Variants in DIAPH2 observed in about 807,000 individuals in gnomAD.
DIAPH2 encodes the protein diaphanous related formin 2, also known as protein diaphanous homolog 2.
In DIAPH2, 35 loss-of-function variants were observed where a neutral mutation model predicts 92.7. That is an observed-to-expected ratio of 0.38 (90% CI 0.29 to 0.50). The LOEUF (loss-of-function observed/expected upper bound fraction) is 0.50, where lower values mean the gene tolerates loss of function less well. Among genes scored for constraint, DIAPH2 ranks in the 20% least tolerant of loss-of-function variants. The pLI is 0.94. For synonymous variants in DIAPH2, 301 were observed against 280.4 expected (o/e 1.07, Z -0.73); for missense variants, 701 against 819.5 (o/e 0.86, Z 1.77).
intron 26 of DIAPH2, among the ~76,000 whole-genome samples, chrX:97,493,255 C>T (rs5921836): frequency 2.2e-5 from 2 of 90,657 alleles, no homozygotes; most frequent in African/African-American, 7.2e-5. Flanking sequence ...TTTATTTATT[C>T]ATTTATTTAT....
At chrX:97,044,219 T>C (rs2066465492) in intron 17 of DIAPH2, among the ~76,000 whole-genome samples, 1 of 111,551 alleles carries the variant, frequency 9.0e-6, no homozygotes, top group Non-Finnish European at 1.9e-5. Flanking sequence ...ACCAAACTGG[T>C]ATATATGTGA....
intron 4 of DIAPH2, among the ~76,000 whole-genome samples, chrX:96,802,381 G>A (rs1316808164): frequency 8.9e-6 from 1 of 112,102 alleles, no homozygotes; most frequent in Non-Finnish European, 1.9e-5. Context: ...TGTAAAAATA[G>A]GCTTCAGGCT....
chrX:97,439,899 T>C (rs1347830354), intron 26 of DIAPH2, among the ~76,000 whole-genome samples: 4 of 111,275 alleles, frequency 3.6e-5, no homozygotes, highest in Non-Finnish European at 7.5e-5. Flanking sequence ...GGTGGTCGAA[T>C]AGGGGCAAAT....
intron 4 of DIAPH2, among the ~76,000 whole-genome samples, chrX:96,814,072 AC>A (rs1341716140): frequency 9.0e-6 from 1 of 110,986 alleles, no homozygotes; most frequent in African/African-American, 3.3e-5. Context: ...TGTTGGCCTG[AC>A]TTGCTAGTTT....
intron 23 of DIAPH2, among the ~76,000 whole-genome samples, chrX:97,290,074 A>AATAT (rs374540988): frequency 0.092 from 8,752 of 94,916 alleles, 358 homozygotes; most frequent in African/African-American, 0.11. Flanking sequence ...CAGTAATTTA[A>AATAT]ATATATATAT....
At chrX:97,598,870 G>T (rs1225440044) in intron 26 of DIAPH2, among the ~76,000 whole-genome samples, 1 of 112,153 alleles carries the variant, frequency 8.9e-6, no homozygotes, top group East Asian at 2.8e-4. Flanking sequence ...CCAACATACA[G>T]ATTGAAAACT....
At chrX:97,315,989 T>G (rs2068836713) in intron 23 of DIAPH2, among the ~76,000 whole-genome samples, 1 of 111,914 alleles carries the variant, frequency 8.9e-6, no homozygotes, top group Non-Finnish European at 1.9e-5. Context: ...GATTACATTT[T>G]TTAACTTAGC....
At chrX:97,275,950 T>G (rs1444187737) in intron 23 of DIAPH2, among the ~76,000 whole-genome samples, 1 of 112,294 alleles carries the variant, frequency 8.9e-6, no homozygotes, top group Non-Finnish European at 1.9e-5. Flanking sequence ...AGGTTGTAGC[T>G]AGCCGAGATC....
At chrX:97,465,533 T>C (rs184749908) in intron 26 of DIAPH2, among the ~76,000 whole-genome samples, 4 of 111,669 alleles carry the variant, frequency 3.6e-5, no homozygotes. Flanking sequence ...TACGGGAGGA[T>C]GTACATAGGT....
intron 17 of DIAPH2, among the ~76,000 whole-genome samples, chrX:97,016,201 A>G (rs1486746926): frequency 1.8e-5 from 2 of 112,254 alleles, no homozygotes; most frequent in Non-Finnish European, 3.8e-5. Context: ...TAATGTTTTC[A>G]TGAAATGCAA....
chrX:97,371,217 G>C (rs972197736), intron 24 of DIAPH2, among the ~76,000 whole-genome samples: 2 of 111,418 alleles, frequency 1.8e-5, no homozygotes, highest in Non-Finnish European at 3.8e-5. Flanking sequence ...GAAAGTTATT[G>C]TTCAGAAAAT....
In DIAPH2 at chrX:96,816,191, G is replaced by A. The variant is rs758551712; in HGVS notation, c.447+57933G>A. ...TTTTATGACTCAATAATATTCCACC[G>A]TATGTATGTATGTATGTTTTCTTTA... On this transcript the variant is annotated intron_variant, in intron 4 of 26. Transcript: ENST00000324765. 1.5e-3 allele frequency among the ~76,000 whole-genome samples: 167 copies of A among 111,512 alleles called. 1 individual carries two copies. Among genetic ancestry groups the A allele is most frequent in the African/African-American group, 4.4e-3 (136 of 30,677 alleles).
chrX:96,797,898 G>A (rs1434470506), intron 4 of DIAPH2, among the ~76,000 whole-genome samples: 2 of 112,641 alleles, frequency 1.8e-5, no homozygotes, highest in Non-Finnish European at 1.9e-5. Context: ...CTTTTGAGGT[G>A]TTTTTAATTT....
intron 26 of DIAPH2, among the ~76,000 whole-genome samples, chrX:97,432,155 G>C (rs1569395901): frequency 8.9e-6 from 1 of 112,095 alleles, no homozygotes; most frequent in Admixed American, 9.5e-5. Context: ...TAAAATCAGA[G>C]TCAACCACAA....
chrX:96,823,871 G>A (rs189719356), intron 4 of DIAPH2, among the ~76,000 whole-genome samples: 13 of 107,132 alleles, frequency 1.2e-4, no homozygotes, highest in Non-Finnish European at 2.3e-4. Flanking sequence ...CTTTTAGTTA[G>A]CATTTCTTTT....
At chrX:97,283,506 C>A (rs1290743350) in intron 23 of DIAPH2, among the ~76,000 whole-genome samples, 1 of 112,081 alleles carries the variant, frequency 8.9e-6, no homozygotes, top group African/African-American at 3.2e-5. Context: ...CTAACAATGG[C>A]TAATGAATCT....
intron 23 of DIAPH2, among the ~76,000 whole-genome samples, chrX:97,332,777 C>T (rs2069012983): frequency 9.0e-6 from 1 of 111,529 alleles, no homozygotes; most frequent in Non-Finnish European, 1.9e-5. Flanking sequence ...ACAAAGACTG[C>T]ACAATATAAT....
chrX:97,368,284 T>C (rs1384276154), intron 24 of DIAPH2, among the ~76,000 whole-genome samples: 2 of 112,169 alleles, frequency 1.8e-5, no homozygotes, highest in African/African-American at 6.5e-5. Flanking sequence ...TTCATGTCTA[T>C]GGATATAGTT....
At chrX:96,731,294 G>T (rs1266477840) in intron 1 of DIAPH2, among the ~76,000 whole-genome samples, 1 of 111,325 alleles carries the variant, frequency 9.0e-6, no homozygotes, top group Non-Finnish European at 1.9e-5. Flanking sequence ...GTTGTTTTTT[G>T]TGTCCTATTG....
Sources: gnomAD v4.1 joint callset for allele counts (sites outside exome capture counted in the v4.1 genomes callset) on GRCh38, gnomAD v4.1.1 for gene constraint, MANE v1.5 for transcripts, NCBI Gene and HGNC (gene_info 2026-07-23, HGNC 2026-07-21) for gene names.